FAM110B: variants seen among roughly 807,000 people sequenced by gnomAD.
FAM110B encodes the protein family with sequence similarity 110 member B.
Under a neutral mutation model 20.4 loss-of-function variants are expected in FAM110B, and 6 were observed. The ratio of observed to expected loss-of-function variants is 0.29; its 90% CI spans 0.16 to 0.58. The LOEUF is 0.58. Among genes scored for constraint, FAM110B ranks in the 20% least tolerant of loss-of-function variants. FAM110B has a pLI of 0.90. For synonymous variants in FAM110B, 226 were observed against 214.1 expected (o/e 1.06, Z -0.49); for missense variants, 434 against 498.2 (o/e 0.87, Z 1.23).
chr8:58,042,033 C>G (rs1355833240), intron 2 of FAM110B, among the ~76,000 whole-genome samples: 2 of 152,182 alleles, frequency 1.3e-5, no homozygotes, highest in Admixed American at 6.5e-5. Context: ...CTCCTGTTTA[C>G]CATATAAAGG....
chr8:58,083,097 GTTGCTCATC>G (rs1806241153), intron 3 of FAM110B, among the ~76,000 whole-genome samples: 1 of 151,808 alleles, frequency 6.6e-6, no homozygotes, highest in African/African-American at 2.4e-5. Context: ...GTCACTGTAC[GTTGCTCATC>G]TATCTTTTTG....
chr8:58,111,630 TA>T (rs1162848123), intron 3 of FAM110B, among the ~76,000 whole-genome samples: 1 of 151,868 alleles, frequency 6.6e-6, no homozygotes, highest in Admixed American at 6.6e-5. Flanking sequence ...CTTTTTAATT[TA>T]AAAAAAGAAA....
At position 58,118,374 on chromosome 8, in the gene FAM110B, G is replaced by T. The variant is rs866607558; in HGVS notation, c.-324-27533G>T. Among the ~76,000 whole-genome samples, 31 of 152,290 alleles carry T rather than the reference G, an allele frequency of 2.0e-4. 1 individual carries two copies. Among genetic ancestry groups the T allele is most frequent in the Non-Finnish European group, 7.4e-5 (5 of 68,022 alleles). ...CTAACCATGAGAATGGAAACTAGCCGCATTCCAGGACATTAGGATTTCACT... is the reference window on the plus strand; with the variant it reads ...CTAACCATGAGAATGGAAACTAGCCTCATTCCAGGACATTAGGATTTCACT... On this transcript the variant is annotated intron_variant, in intron 3 of 3. Coordinates refer to ENST00000519262, the MANE Select transcript of FAM110B (RefSeq NM_001377989.1).
chr8:58,054,076 G>T (rs1191060505), intron 2 of FAM110B, among the ~76,000 whole-genome samples: 2 of 152,216 alleles, frequency 1.3e-5, no homozygotes, highest in Non-Finnish European at 2.9e-5. Flanking sequence ...AACTTGGTTT[G>T]TATAGGTGGC....
chr8:58,126,126 AT>A (rs1408281441), intron 3 of FAM110B, among the ~76,000 whole-genome samples: 1 of 152,088 alleles, frequency 6.6e-6, no homozygotes, highest in Non-Finnish European at 1.5e-5. Flanking sequence ...CATCTCTCTA[AT>A]TTTGAGAATG....
At chr8:58,002,189 C>T (rs957690418) in intron 1 of FAM110B, among the ~76,000 whole-genome samples, 76 of 152,218 alleles carry the variant, frequency 5.0e-4, no homozygotes, top group African/African-American at 1.7e-3. Context: ...CCTCCAGAAA[C>T]ACCCACAGGT....
At chr8:58,101,011 A>T (rs1264980589) in intron 3 of FAM110B, 1 of 151,902 alleles carries the variant, frequency 6.6e-6, no homozygotes, top group East Asian at 1.9e-4. Context: ...ATCTCTACTA[A>T]AAATAGAAAA....
At chr8:58,104,904 A>G (rs1214977542) in intron 3 of FAM110B, among the ~76,000 whole-genome samples, 1 of 151,758 alleles carries the variant, frequency 6.6e-6, no homozygotes. Context: ...TGCATCAGCC[A>G]CATCGTATTA....
At chr8:58,139,744 C>T (rs1018916546) in intron 3 of FAM110B, among the ~76,000 whole-genome samples, 10 of 151,922 alleles carry the variant, frequency 6.6e-5, no homozygotes, top group South Asian at 4.2e-4. Context: ...TGGCTAACAA[C>T]GGTGAAACCC....
At chr8:58,022,396 G>C (rs1322534530) in intron 1 of FAM110B, among the ~76,000 whole-genome samples, 1 of 152,104 alleles carries the variant, frequency 6.6e-6, no homozygotes, top group Admixed American at 6.6e-5. Context: ...GGGGTGAATG[G>C]GGGTACAGAG....
rs186341355 is a variant in FAM110B at position 58,120,725 on chromosome 8, C to A, written c.-324-25182C>A. ...ACCCAAGAGTTGTGTTCTAAAGATT[C>A]CCTCATTTAAAGTACATGCCTCTGG... On this transcript the variant is annotated intron_variant, in intron 3 of 3. Coordinates refer to ENST00000519262, the MANE Select transcript of FAM110B (RefSeq NM_001377989.1). 2.8e-3 allele frequency among the ~76,000 whole-genome samples: 423 copies of A among 152,282 alleles called. 6 individuals are homozygous for A. Among genetic ancestry groups the A allele is most frequent in the African/African-American group, 9.9e-3 (412 of 41,572 alleles).
chr8:58,071,167 A>G (rs1805888548), intron 2 of FAM110B, among the ~76,000 whole-genome samples: 2 of 152,224 alleles, frequency 1.3e-5, no homozygotes, highest in Non-Finnish European at 2.9e-5. Flanking sequence ...TGGGATTAAA[A>G]AAAATGGTAC....
chr8:58,108,768 C>T (rs369439453), intron 3 of FAM110B, among the ~76,000 whole-genome samples: 2 of 152,214 alleles, frequency 1.3e-5, no homozygotes, highest in South Asian at 2.1e-4. Flanking sequence ...GGGCCTGTCC[C>T]GGTCTCCCAC....
At chr8:58,126,198 G>T (rs1363672384) in intron 3 of FAM110B, among the ~76,000 whole-genome samples, 2 of 152,098 alleles carry the variant, frequency 1.3e-5, no homozygotes, top group African/African-American at 4.8e-5. Flanking sequence ...CTGTTCCTCA[G>T]ATACATCCCA....
At chr8:58,048,504 CT>C (rs1262557738) in intron 2 of FAM110B, among the ~76,000 whole-genome samples, 1 of 152,178 alleles carries the variant, frequency 6.6e-6, no homozygotes, top group Non-Finnish European at 1.5e-5. Flanking sequence ...TTCCTTCCCC[CT>C]GCCCTCCTTT....
intron 3 of FAM110B, among the ~76,000 whole-genome samples, chr8:58,084,129 A>C (rs1806270474): frequency 2.0e-5 from 3 of 152,196 alleles, no homozygotes; most frequent in African/African-American, 7.2e-5. Flanking sequence ...TGAGGTCAGC[A>C]GGCTACTGAA....
At position 58,136,861 on chromosome 8, in the gene FAM110B, T is replaced by C. The variant is rs1016087445; in HGVS notation, c.-324-9046T>C. Among the ~76,000 whole-genome samples, 20 of 152,190 alleles carry C rather than the reference T, an allele frequency of 1.3e-4. 1 individual carries two copies. Among genetic ancestry groups the C allele is most frequent in the African/African-American group, 4.8e-4 (20 of 41,454 alleles). ...TAATGGCTTTACTTACAAATGAAAA[T>C]GAAGCATGTGGATGACTTCTCTAAA... is the stretch of plus-strand genomic sequence containing the variant. On this transcript the variant is annotated intron_variant, in intron 3 of 3. Transcript: ENST00000519262.
intron 3 of FAM110B, among the ~76,000 whole-genome samples, chr8:58,081,116 A>G (rs1288618551): frequency 6.6e-6 from 1 of 152,130 alleles, no homozygotes; most frequent in Non-Finnish European, 1.5e-5. Flanking sequence ...TTCATCACCA[A>G]ACAACCCCAT....
chr8:58,007,912 G>T (rs1208909224), intron 1 of FAM110B, among the ~76,000 whole-genome samples: 1 of 152,082 alleles, frequency 6.6e-6, no homozygotes, highest in African/African-American at 2.4e-5. Flanking sequence ...ACGTCAGAAG[G>T]TGTTATTTTC....
Sources: allele counts gnomAD v4.1 joint callset (sites outside exome capture counted in the v4.1 genomes callset), GRCh38; gene constraint gnomAD v4.1.1; transcripts MANE v1.5; gene names NCBI Gene and HGNC (gene_info 2026-07-23, HGNC 2026-07-21).